Variants in SHC4 observed in about 807,000 individuals in gnomAD.
SHC4 encodes SHC-transforming protein 4.
Under a neutral mutation model 69.4 loss-of-function variants are expected in SHC4, and 41 were observed. The observed-to-expected ratio is 0.59, with a 90% confidence interval of 0.46 to 0.77. SHC4 has a LOEUF of 0.77. Ranked by LOEUF, SHC4 falls within the 30% of genes least tolerant of loss-of-function variation. The pLI, the probability that SHC4 is intolerant of heterozygous loss-of-function variation, is 0.00. For missense variants in SHC4, 777 were observed against 783.8 expected, an observed-to-expected ratio of 0.99 and a Z score of 0.10; for synonymous variants, 318 against 299.3, an observed-to-expected ratio of 1.06 and a Z score of -0.64.
intron 2 of SHC4, among the ~76,000 whole-genome samples, chr15:48,916,311 AC>A (rs1398462752): frequency 1.5e-5 from 2 of 132,420 alleles, no homozygotes; most frequent in African/African-American, 2.7e-5. Flanking sequence ...ACACACACAC[AC>A]ACACACCCAG....
intron 5 of SHC4, among the ~76,000 whole-genome samples, chr15:48,869,506 G>C (rs1899626049): frequency 6.6e-6 from 1 of 152,180 alleles, no homozygotes; most frequent in African/African-American, 2.4e-5. Context: ...TGTGGTAGTA[G>C]TTACTTCTTG....
At chr15:48,906,165 A>G (rs546729705) in intron 2 of SHC4, among the ~76,000 whole-genome samples, 2 of 152,342 alleles carry the variant, frequency 1.3e-5, no homozygotes, top group Admixed American at 1.3e-4. Context: ...GTACCTATAC[A>G]TGGAGTCTCA....
chr15:48,893,979 T>G (rs1449406195), intron 2 of SHC4, among the ~76,000 whole-genome samples: 1 of 152,186 alleles, frequency 6.6e-6, no homozygotes, highest in Non-Finnish European at 1.5e-5. Context: ...AATAACTTAT[T>G]ACAAACTTCG....
At chr15:48,859,303 AGG>A (rs200552834) in intron 6 of SHC4, among the ~76,000 whole-genome samples, 2 of 109,370 alleles carry the variant, frequency 1.8e-5, no homozygotes, top group East Asian at 7.2e-4. Flanking sequence ...CACATTTGAA[AGG>A]GGTGTGTGTG....
chr15:48,927,497 C>T (rs982285383), intron 1 of SHC4, among the ~76,000 whole-genome samples: 4 of 152,172 alleles, frequency 2.6e-5, no homozygotes, highest in Admixed American at 1.3e-4. Flanking sequence ...TTTCACACTC[C>T]GCTGTGGTGG....
Position 48,878,898 on chromosome 15 carries a change from T to C in SHC4, c.840+5350A>G. The C allele has an allele frequency of 5.3e-6, 3 of 565,098 alleles. No homozygotes were observed. The South Asian group carries it at 9.8e-5, about 18-fold the overall frequency. 35.0% of individuals were successfully genotyped at this position (565,098 alleles called of 1,614,324 possible). A position where few individuals can be genotyped will look rare whatever the true frequency, so the allele number is the denominator to read the frequency against. On this transcript the variant is annotated intron_variant, in intron 4 of 11. Coordinates refer to ENST00000332408, the MANE Select transcript of SHC4 (RefSeq NM_203349.4). ...ACACAATAGGACAGTGACTGCACAG[T>C]TGTGAAAAAGGAAGAGAATCATTAA...
chr15:48,917,245 G>T (rs1258387961), intron 2 of SHC4, among the ~76,000 whole-genome samples: 2 of 734 alleles, frequency 2.7e-3, no homozygotes, highest in African/African-American at 3.7e-3. Flanking sequence ...CTGATTTCTT[G>T]TGTGTGTGTG....
intron 1 of SHC4, among the ~76,000 whole-genome samples, chr15:48,941,901 C>T (rs993736791): frequency 7.2e-5 from 11 of 152,182 alleles, no homozygotes; most frequent in African/African-American, 2.7e-4. Flanking sequence ...CCTTCACACC[C>T]TCCCACTCTT....
intron 11 of SHC4, among the ~76,000 whole-genome samples, chr15:48,834,414 T>G (rs1274663327): frequency 2.0e-5 from 3 of 152,244 alleles, no homozygotes; most frequent in Non-Finnish European, 4.4e-5. Flanking sequence ...TTATAATTAT[T>G]TAAGCACTTG....
chr15:48,878,520 AGCAGCT>A, intron 4 of SHC4: 1 of 1,614,088 alleles, frequency 6.2e-7, no homozygotes, highest in Non-Finnish European at 8.5e-7. Flanking sequence ...CCCGAAGAGG[AGCAGCT>A]CAGTGGTGCC....
intron 4 of SHC4, chr15:48,876,436 T>C (rs1899799713): frequency 6.2e-6 from 2 of 323,168 alleles, no homozygotes; most frequent in Non-Finnish European, 1.1e-5. Flanking sequence ...ACTAATGGAA[T>C]ATATACATAT....
chr15:48,906,453 C>T (rs1295758078), intron 2 of SHC4, among the ~76,000 whole-genome samples: 1 of 151,924 alleles, frequency 6.6e-6, no homozygotes, highest in African/African-American at 2.4e-5. Flanking sequence ...GTCCTTCCCC[C>T]ATTTCCCCCT....
intron 2 of SHC4, among the ~76,000 whole-genome samples, chr15:48,916,869 A>G (rs1008672910): frequency 2.6e-5 from 4 of 152,234 alleles, no homozygotes; most frequent in Non-Finnish European, 5.9e-5. Context: ...TACATGTGTA[A>G]GGCACTAAAT....
intron 6 of SHC4, 94 bp from the exon 7 acceptor site, chr15:48,857,909 A>C: frequency 9.9e-7 from 1 of 1,009,780 alleles, no homozygotes; most frequent in Non-Finnish European, 1.3e-6. Context: ...TGAACTGATA[A>C]TTGAATAAAA....
chr15:48,826,251 TA>T (rs1898686085), intron 11 of SHC4, 125 bp from the exon 12 acceptor site: 2 of 917,444 alleles, frequency 2.2e-6, no homozygotes, highest in South Asian at 2.2e-5. Context: ...AAAGAAAAGG[TA>T]CTTTTTTTTT....
At chr15:48,869,551 A>G (rs1308198309) in intron 5 of SHC4, among the ~76,000 whole-genome samples, 3 of 152,222 alleles carry the variant, frequency 2.0e-5, no homozygotes, top group African/African-American at 7.2e-5. Flanking sequence ...AACACTAACC[A>G]TGTATCATTT....
chr15:48,846,544 C>T (rs559132182), intron 9 of SHC4, among the ~76,000 whole-genome samples: 10 of 152,262 alleles, frequency 6.6e-5, no homozygotes, highest in Admixed American at 5.9e-4. Flanking sequence ...AGGAAGCCTT[C>T]CCCTGAATCC....
At chr15:48,841,700 A>G (rs892227787) in intron 10 of SHC4, among the ~76,000 whole-genome samples, 4 of 152,168 alleles carry the variant, frequency 2.6e-5, no homozygotes, top group Non-Finnish European at 4.4e-5. Flanking sequence ...AGCCAATCCT[A>G]CTTCCTCTCC....
At position 48,857,810 on chromosome 15, in the gene SHC4, G is replaced by C; in HGVS notation, c.952C>G (p.His318Asp). ...AKDPVNQRAC[H>D]ILECHNGMAQ... ...ATTCCATTGTGGCATTCCAATATGT[G>C]ACAGGCTGCAAGAGGACATACAAAA... is the stretch of plus-strand genomic sequence containing the variant. The change falls in exon 7 of 12, where the codon CAC becomes GAC. Residue 318 changes from histidine (H) to aspartate (D), a missense_variant. By Grantham distance (81) the His-to-Asp change is moderately conservative (BLOSUM62 -1). Transcript: ENST00000332408. 1 of 1,533,950 alleles carries C rather than the reference G, an allele frequency of 6.5e-7. No individual in the cohort carries two copies. The highest frequency in any genetic ancestry group is 8.8e-7 in the Non-Finnish European group (1 of 1,140,580).
Sources: allele counts gnomAD v4.1 joint callset (sites outside exome capture counted in the v4.1 genomes callset), GRCh38; gene constraint gnomAD v4.1.1; transcripts MANE v1.5; gene names NCBI Gene and HGNC (gene_info 2026-07-23, HGNC 2026-07-21).